PEX5: variants seen among roughly 807,000 people sequenced by gnomAD.
PEX5 encodes peroxisomal biogenesis factor 5.
A neutral mutation model predicts 82.9 loss-of-function variants in PEX5; 52 were observed. That is an observed-to-expected ratio of 0.63 (90% CI 0.50 to 0.79). The LOEUF is 0.79. Ranked by LOEUF, PEX5 falls within the 30% of genes least tolerant of loss-of-function variation. PEX5 has a pLI of 0.00. For missense variants in PEX5, 719 were observed against 815.2 expected, an observed-to-expected ratio of 0.88 and a Z score of 1.44; for synonymous variants, 300 against 318.8, an observed-to-expected ratio of 0.94 and a Z score of 0.63.
chr12:7,192,763 G>A (rs1208088057), intron 5 of PEX5, among the ~76,000 whole-genome samples: 5 of 151,856 alleles, frequency 3.3e-5, no homozygotes, highest in East Asian at 3.9e-4. Flanking sequence ...TTCTTTCTTC[G>A]TTTGCTACAG....
At chr12:7,214,403 G>A (rs756917407), downstream of PEX5, among the ~76,000 whole-genome samples, 26 of 152,054 alleles carry the variant, frequency 1.7e-4, no homozygotes, top group East Asian at 5.0e-3. Context: ...AAAATGATGA[G>A]TTCATGTCCT....
rs1283347395 is a variant in PEX5 at position 7,210,211 on chromosome 12, C to T, written c.1908C>T (p.Gly636=). 3 of 1,614,062 alleles carry T rather than the reference C, an allele frequency of 1.9e-6. No homozygotes were observed. Among genetic ancestry groups the T allele is most frequent in the Non-Finnish European group, 2.5e-6 (3 of 1,179,956 alleles). The stretch of plus-strand genomic sequence containing the variant: ...TGTCCACCCTCCTAACTATGTTTGG[C>T]CTGCCCCAGTGACAGTGGGACGGGC... ...RDLSTLLTMF[G]LPQ is the part of the protein sequence containing the mutation. The change falls in exon 16 of 16, where the codon GGC becomes GGT. Residue 636 remains glycine (G), a synonymous_variant. Transcript: ENST00000675855.
chr12:7,189,848 A>T, intron 1 of PEX5, 98 bp downstream of exon 1: 2 of 1,226,426 alleles, frequency 1.6e-6, no homozygotes, highest in South Asian at 2.0e-5. Context: ...CTGGAGCGGC[A>T]GCAGGGCCGG....
intron 2 of PEX5, 157 bp from the exon 3 acceptor site, chr12:7,190,731 T>TA: frequency 7.5e-7 from 1 of 1,329,958 alleles, no homozygotes; most frequent in Non-Finnish European, 1.1e-6. Context: ...AGTTACCACT[T>TA]ACTGAGCGTT....
rs1944992292 is a variant in PEX5 at position 7,207,740 on chromosome 12, G to A, written c.1048G>A (p.Asp350Asn). 1.9e-6 allele frequency: 3 copies of A among 1,613,990 alleles called. No homozygotes were observed. The highest frequency in any genetic ancestry group is 1.7e-5 in the Admixed American group (1 of 60,000). ...AGGGCTGCGGCGCCTTCAGGAGGGG[G>A]ACCTGCCAAATGCTGTGCTGCTTTT... ...EEGLRRLQEG[D>N]LPNAVLLFEA... is the part of the protein sequence containing the mutation. The change falls in exon 11 of 16, where the codon GAC becomes AAC. Residue 350 changes from aspartate to asparagine, a missense_variant. Asp to Asn is a conservative substitution (Grantham distance 23). Transcript: ENST00000675855.
rs780591700 is a variant in PEX5, at chr12:7,209,193, A to G, written c.1560+23A>G. The G allele has an allele frequency of 2.5e-6, 4 of 1,611,304 alleles. No individual in the cohort carries two copies. The Admixed American group carries it at 6.7e-5, about 27-fold the overall frequency. ...AATGTGAGCCCAGGGGAGGAATGGA[A>G]ATGGGACATGACTGTGTACCTTATT... On this transcript the variant is annotated intron_variant, in intron 14 of 15. Transcript: ENST00000675855.
chr12:7,194,948 G>A (rs114451133), intron 5 of PEX5, among the ~76,000 whole-genome samples: 2,200 of 152,300 alleles, frequency 0.014, 44 homozygotes, highest in African/African-American at 0.05. Context: ...GGTTTTCACC[G>A]CAGCCCCTAC....
chr12:7,194,515 G>T (rs1941748909), intron 5 of PEX5, among the ~76,000 whole-genome samples: 1 of 152,146 alleles, frequency 6.6e-6, no homozygotes, highest in South Asian at 2.1e-4. Flanking sequence ...TAAATGTGTA[G>T]ATTTGTGTAA....
intron 1 of PEX5, chr12:7,190,050 G>T (rs1940683097): frequency 5.3e-6 from 8 of 1,501,398 alleles, no homozygotes; most frequent in Non-Finnish European, 7.0e-6. Flanking sequence ...TTGTTGAAGC[G>T]TCCCCGTGGT....
Position 7,210,155 on chromosome 12 carries a change from G to T in PEX5, c.1852G>T (p.Asp618Tyr). 1.2e-6 allele frequency: 2 copies of T among 1,614,104 alleles called. No individual in the cohort carries two copies. Among genetic ancestry groups the T allele is most frequent in the East Asian group, 2.2e-5 (1 of 44,898 alleles). The stretch of plus-strand genomic sequence containing the variant: ...GGCATTGTCTATGTTAGGCCAGAGC[G>T]ATGCCTATGGGGCAGCCGACGCGCG... ...RLALSMLGQS[D>Y]AYGAADARDL... is the part of the protein sequence containing the mutation. Residue 618 changes from aspartate (D) to tyrosine (Y), a missense_variant, in exon 16 of 16, where the codon GAT becomes TAT. Physicochemically the swap from Asp to Tyr is radical, Grantham distance 160. Transcript: ENST00000675855.
At chr12:7,188,800 C>T (rs1940391191), upstream of PEX5, 1 of 152,434 alleles carries the variant, frequency 6.6e-6, no homozygotes, top group Non-Finnish European at 1.5e-5. Context: ...CTCCCTTGGT[C>T]TTGAAGCTGG....
At chr12:7,199,805 C>A (rs1943428661) in intron 6 of PEX5, among the ~76,000 whole-genome samples, 1 of 147,520 alleles carries the variant, frequency 6.8e-6, no homozygotes, top group African/African-American at 2.5e-5. Flanking sequence ...CCCTCACCTT[C>A]TGGACGGGGC....
At chr12:7,205,233 G>A (rs146488070) in intron 10 of PEX5, among the ~76,000 whole-genome samples, 3 of 152,030 alleles carry the variant, frequency 2.0e-5, no homozygotes, top group Non-Finnish European at 4.4e-5. Flanking sequence ...TGATACTTTG[G>A]GATATTGCAA....
chr12:7,189,799 C>T, intron 1 of PEX5, 49 bp downstream of exon 1: 1 of 714,082 alleles, frequency 1.4e-6, no homozygotes, highest in Non-Finnish European at 2.0e-6. Context: ...CTGGGCCCTC[C>T]CCACCCTTGC....
intron 5 of PEX5, among the ~76,000 whole-genome samples, chr12:7,196,145 C>T (rs1166975896): frequency 7.0e-6 from 1 of 141,998 alleles, no homozygotes. Flanking sequence ...TTTCTTATTA[C>T]ATATGTTACA....
intron 5 of PEX5, among the ~76,000 whole-genome samples, chr12:7,197,838 G>A (rs1181347122): frequency 1.3e-5 from 2 of 152,142 alleles, no homozygotes; most frequent in Non-Finnish European, 2.9e-5. Flanking sequence ...AATGCAAATT[G>A]GAGTTAGTAG....
Position 7,202,019 on chromosome 12 carries a change from A to G in PEX5, c.642+178A>G, listed in dbSNP as rs142231747. 3,478 of 765,360 alleles carry G rather than the reference A, an allele frequency of 4.5e-3. 19 individuals are homozygous for G. Among genetic ancestry groups the G allele is most frequent in the Middle Eastern group, 0.013 (35 of 2,788 alleles). The allele number at this position is 765,360 out of a possible 1,614,324, so 47.4% of individuals were successfully genotyped here. ...TCTTCCTTCTAGTGTTCATTCCCTC[A>G]TCTCCTTGCCTACTAACTCTTTTTT... On this transcript the variant is annotated intron_variant, in intron 7 of 15. Transcript: ENST00000675855.
Position 7,211,345 on chromosome 12 carries a change from A to C in PEX5, c.*1122A>C, listed in dbSNP as rs1034315198. ...TGTCTTTAGTAGCTAATGATCAGAG[A>C]GATTTTTTTTTTAAACTACCATGGT... On this transcript the variant is annotated 3_prime_UTR_variant, in exon 16 of 16. Coordinates refer to ENST00000675855, the MANE Select transcript of PEX5 (RefSeq NM_001351132.2). 3.0e-5 allele frequency: 4 copies of C among 134,036 alleles called. No individual in the cohort carries two copies. The highest frequency in any genetic ancestry group is 6.4e-5 in the Non-Finnish European group (4 of 62,290). 8.3% of individuals were successfully genotyped at this position (134,036 alleles called of 1,614,324 possible).
At chr12:7,204,542 C>T (rs1035196895) in intron 10 of PEX5, among the ~76,000 whole-genome samples, 1 of 152,194 alleles carries the variant, frequency 6.6e-6, no homozygotes, top group Non-Finnish European at 1.5e-5. Flanking sequence ...AGGGAAAAGA[C>T]AGCTGGGACC....
Sources: allele counts gnomAD v4.1 joint callset (sites outside exome capture counted in the v4.1 genomes callset), GRCh38; gene constraint gnomAD v4.1.1; transcripts MANE v1.5; gene names NCBI Gene and HGNC (gene_info 2026-07-23, HGNC 2026-07-21).